The following RPL38 variants were observed in gnomAD, a reference collection of about 807,000 sequenced individuals.
RPL38 encodes the protein ribosomal protein L38.
RPL38 carries 2 observed loss-of-function variants against 12.8 expected under a neutral mutation model. The ratio of observed to expected loss-of-function variants is 0.16; its 90% confidence interval spans 0.06 to 0.49. The LOEUF (loss-of-function observed/expected upper bound fraction) is 0.49, where lower values mean the gene tolerates loss of function less well. Among genes scored for constraint, RPL38 ranks in the 20% least tolerant of loss-of-function variants. The pLI, the probability that RPL38 is intolerant of heterozygous loss-of-function variation, is 0.96. For missense variants in RPL38, 52 were observed against 79.8 expected (o/e 0.65, Z 1.33); for synonymous variants, 42 against 30.1 (o/e 1.39, Z -1.29).
In RPL38 at chr17:74,210,147, C is replaced by T. The variant is rs2050153189; in HGVS notation, c.*318C>T. On this transcript the variant is annotated 3_prime_UTR_variant, in exon 5 of 5. Coordinates refer to ENST00000311111, the MANE Select transcript of RPL38 (RefSeq NM_000999.4). ...GGATTACAGGCACACATCACCACGC[C>T]TGGCCAATTTTTGTATTTGTAGTAG... 1 of 257,022 alleles carries T rather than the reference C, an allele frequency of 3.9e-6. No homozygotes were observed. Among genetic ancestry groups the T allele is most frequent in the Non-Finnish European group, 7.4e-6 (1 of 134,258 alleles). 15.9% of individuals were successfully genotyped at this position (257,022 alleles called of 1,614,324 possible). A position where few individuals can be genotyped will look rare whatever the true frequency, so the allele number is the denominator to read the frequency against.
intron 3 of RPL38, among the ~76,000 whole-genome samples, chr17:74,208,632 A>G (rs984544610): frequency 2.0e-5 from 3 of 152,110 alleles, no homozygotes; most frequent in Non-Finnish European, 4.4e-5. Context: ...CACTGCTTCT[A>G]TCCCTTTTTA....
At chr17:74,207,326 A>G (rs952168413) in intron 3 of RPL38, among the ~76,000 whole-genome samples, 1 of 151,874 alleles carries the variant, frequency 6.6e-6, no homozygotes, top group Non-Finnish European at 1.5e-5. Flanking sequence ...TTGAAGGCCG[A>G]GTTTTCCATT....
In RPL38 at chr17:74,209,574, G is replaced by A. The variant is rs139169732; in HGVS notation, c.188-230G>A. 529 of 623,774 alleles carry A rather than the reference G, an allele frequency of 8.5e-4. 1 individual carries two copies. The highest frequency in any genetic ancestry group is 8.3e-3 in the African/African-American group (450 of 54,330). 38.6% of individuals were successfully genotyped at this position (623,774 alleles called of 1,614,324 possible). ...TTCGAGGTTGGTGCTAGTACTGATA[G>A]TCCCCATTTTTTACAGGGGAACAGA... On this transcript the variant is annotated intron_variant, in intron 4 of 4. Coordinates refer to ENST00000311111, the MANE Select transcript of RPL38 (RefSeq NM_000999.4).
intron 3 of RPL38, chr17:74,205,745 G>C (rs986699960): frequency 2.6e-5 from 4 of 152,222 alleles, no homozygotes; most frequent in African/African-American, 9.6e-5. Context: ...GGTGGTCCGG[G>C]CGTGGTGGCT....
At chr17:74,203,995 G>A (rs781424783) in intron 2 of RPL38, 37 bp downstream of exon 2, 56 of 1,612,898 alleles carry the variant, frequency 3.5e-5, no homozygotes, top group Middle Eastern at 1.6e-4. Flanking sequence ...TCCCGGGGTG[G>A]GCTCGTGGGG....
At chr17:74,209,398 C>A in intron 4 of RPL38, 89 bp downstream of exon 4, 1 of 1,463,890 alleles carries the variant, frequency 6.8e-7, no homozygotes, top group Non-Finnish European at 9.3e-7. Flanking sequence ...GAATCCCTCT[C>A]AGATTTCAGA....
intron 3 of RPL38, chr17:74,204,633 C>T (rs1327368659): frequency 5.9e-6 from 1 of 169,162 alleles, no homozygotes; most frequent in East Asian, 1.7e-4. Flanking sequence ...GGTCGTTTAC[C>T]TCGTGATCCT....
chr17:74,209,245 C>T lies in RPL38; in HGVS notation c.123C>T (p.Tyr41=). The T allele has an allele frequency of 6.2e-7, 1 of 1,614,060 alleles. No homozygotes were observed. The highest frequency in any genetic ancestry group is 8.5e-7 in the Non-Finnish European group (1 of 1,179,984). Reference sequence around the variant, plus strand: ...AGTTTAAAGTTCGATGCAGCAGATACCTTTACACCCTGGTCATCACTGACA... The same window carrying T: ...AGTTTAAAGTTCGATGCAGCAGATATCTTTACACCCTGGTCATCACTGACA... ...NVKFKVRCSR[Y]LYTLVITDKE... is the part of the protein sequence containing the mutation. The change falls in exon 4 of 5, where the codon TAC becomes TAT. Residue 41 remains tyrosine (Y), a synonymous_variant. Transcript: ENST00000311111.
At chr17:74,208,291 C>T (rs2050133386) in intron 3 of RPL38, among the ~76,000 whole-genome samples, 1 of 152,178 alleles carries the variant, frequency 6.6e-6, no homozygotes, top group Non-Finnish European at 1.5e-5. Context: ...CTCACAGCAG[C>T]CAGATGGCCA....
chr17:74,207,259 C>T (rs59850565), intron 3 of RPL38, among the ~76,000 whole-genome samples: 8,537 of 152,224 alleles, frequency 0.056, 495 homozygotes, highest in African/African-American at 0.15. Context: ...CCACCTTAGC[C>T]TCCCAAAGTG....
In RPL38 at chr17:74,204,117, C is replaced by G. The variant is rs140158954; in HGVS notation, c.4-13C>G. ...TCTTTCCTCTCTGTTCACCCGCTTC[C>G]TTTGTGTTGCAGCCTCGGAAAATTG... On this transcript the variant is annotated splice_polypyrimidine_tract_variant and intron_variant, in intron 2 of 4. Coordinates refer to ENST00000311111, the MANE Select transcript of RPL38 (RefSeq NM_000999.4). The G allele has an allele frequency of 3.1e-6, 5 of 1,614,148 alleles. No homozygotes were observed. The African/African-American group carries it at 5.3e-5, about 17-fold the overall frequency.
intron 4 of RPL38, chr17:74,209,513 G>C (rs147375350): frequency 4.4e-6 from 3 of 674,162 alleles, no homozygotes; most frequent in Admixed American, 3.0e-5. Context: ...TTAGCCAGAA[G>C]AGCGGTTAGA....
At chr17:74,209,716 T>G (rs2050147392) in intron 4 of RPL38, 88 bp from the exon 5 acceptor site, 1 of 1,124,998 alleles carries the variant, frequency 8.9e-7, no homozygotes, top group African/African-American at 1.5e-5. Flanking sequence ...CCTTGTGTGC[T>G]CTCTTTAGCT....
intron 4 of RPL38, 153 bp downstream of exon 4, chr17:74,209,462 TTG>T: frequency 1.2e-6 from 1 of 841,220 alleles, no homozygotes; most frequent in Non-Finnish European, 1.8e-6. Context: ...TGAGGAATAG[TTG>T]TGATTCTCAG....
Position 74,207,393 on chromosome 17 carries a change from A to G in RPL38, c.65-1794A>G, listed in dbSNP as rs185993941. 2.8e-4 allele frequency among the ~76,000 whole-genome samples: 43 copies of G among 152,294 alleles called. No individual in the cohort carries two copies. In the East Asian group the frequency reaches 7.5e-3, roughly 27 times the overall value. On this transcript the variant is annotated intron_variant, in intron 3 of 4. Transcript: ENST00000311111. ...TATTGATGGACATTGGGTTGCTTCT[A>G]CATTTTCGCTAGTGTGAATAATGCT...
At chr17:74,208,752 G>A (rs1053802887) in intron 3 of RPL38, among the ~76,000 whole-genome samples, 7 of 152,144 alleles carry the variant, frequency 4.6e-5, no homozygotes, top group African/African-American at 1.7e-4. Context: ...TGGCAAACAT[G>A]GTGAAACCCC....
At chr17:74,207,469 G>C (rs1008593855) in intron 3 of RPL38, among the ~76,000 whole-genome samples, 1 of 152,100 alleles carries the variant, frequency 6.6e-6, no homozygotes, top group Non-Finnish European at 1.5e-5. Flanking sequence ...TGTTCTTTGG[G>C]GTATATACCT....
rs751760277 is a variant in RPL38 at position 74,203,993 on chromosome 17, T to C, written c.3+35T>C. ...GTCCCTGCCTGGCGCCTTCCCGGGG[T>C]GGGCTCGTGGGGCCCCGGGGCGAGG... is the stretch of plus-strand genomic sequence containing the variant. On this transcript the variant is annotated intron_variant, in intron 2 of 4. Transcript: ENST00000311111. 6 of 1,612,762 alleles carry C rather than the reference T, an allele frequency of 3.7e-6. No individual in the cohort carries two copies. The South Asian group carries it at 4.4e-5, about 12-fold the overall frequency.
chr17:74,205,389 C>T (rs990239990), intron 3 of RPL38: 7 of 152,154 alleles, frequency 4.6e-5, no homozygotes, highest in South Asian at 2.1e-4. Context: ...AGACACCAGC[C>T]GTCTCTAATG....
Sources: allele counts gnomAD v4.1 joint callset (sites outside exome capture counted in the v4.1 genomes callset), GRCh38; gene constraint gnomAD v4.1.1; transcripts MANE v1.5; gene names NCBI Gene and HGNC (gene_info 2026-07-23, HGNC 2026-07-21).